GRXCR1: variants seen among roughly 807,000 people sequenced by gnomAD.
GRXCR1 encodes the protein glutaredoxin and cysteine rich domain containing 1, also known as glutaredoxin domain-containing cysteine-rich protein 1.
GRXCR1 carries 27 observed loss-of-function variants against 27.3 expected under a neutral mutation model. The ratio of observed to expected loss-of-function variants is 0.99; its 90% CI spans 0.73 to 1.37. GRXCR1 has a LOEUF of 1.37. GRXCR1 is among the 40% of genes most tolerant of loss of function. GRXCR1 has a pLI of 0.00. For synonymous variants in GRXCR1, 122 were observed against 131.1 expected, an observed-to-expected ratio of 0.93 and a Z score of 0.47; for missense variants, 379 against 354.4, an observed-to-expected ratio of 1.07 and a Z score of -0.56.
chr4:42,895,190 AT>A, intron 1 of GRXCR1, among the ~76,000 whole-genome samples: 1 of 152,106 alleles, frequency 6.6e-6, no homozygotes, highest in East Asian at 1.9e-4. Flanking sequence ...CAAAATCAAA[AT>A]TTTAACACTA....
chr4:43,001,742 G>T (rs1237141598), intron 2 of GRXCR1, among the ~76,000 whole-genome samples: 2 of 152,182 alleles, frequency 1.3e-5, no homozygotes, highest in Non-Finnish European at 2.9e-5. Context: ...AAGCAACAGT[G>T]GGTCCAGGGG....
At chr4:42,917,988 G>C (rs764392308) in intron 1 of GRXCR1, among the ~76,000 whole-genome samples, 4 of 152,064 alleles carry the variant, frequency 2.6e-5, no homozygotes, top group Non-Finnish European at 5.9e-5. Flanking sequence ...ATATGAAACT[G>C]ATTATATATT....
chr4:42,980,987 T>A (rs1226963903), intron 2 of GRXCR1, among the ~76,000 whole-genome samples: 1 of 151,672 alleles, frequency 6.6e-6, no homozygotes, highest in African/African-American at 2.4e-5. Flanking sequence ...ATTCAGCTAC[T>A]GTATCTTTTT....
chr4:43,012,439 T>A (rs1157196312), intron 2 of GRXCR1, among the ~76,000 whole-genome samples: 1 of 152,198 alleles, frequency 6.6e-6, no homozygotes, highest in Non-Finnish European at 1.5e-5. Flanking sequence ...TATGACATTA[T>A]CCAAAGACAA....
chr4:43,011,205 C>A (rs748882740), intron 2 of GRXCR1, among the ~76,000 whole-genome samples: 2 of 152,188 alleles, frequency 1.3e-5, no homozygotes, highest in South Asian at 2.1e-4. Flanking sequence ...TATTGTCGAT[C>A]GTGCTGGTTA....
At chr4:43,005,521 G>A (rs969119625) in intron 2 of GRXCR1, among the ~76,000 whole-genome samples, 2 of 152,124 alleles carry the variant, frequency 1.3e-5, no homozygotes, top group Non-Finnish European at 2.9e-5. Flanking sequence ...TTGACAATGA[G>A]AGTAATGCTG....
chr4:43,016,631 GTT>G (rs1433125657), intron 2 of GRXCR1, among the ~76,000 whole-genome samples: 3 of 56,016 alleles, frequency 5.4e-5, no homozygotes, highest in African/African-American at 9.1e-5. Flanking sequence ...GCAGTTGTGT[GTT>G]TGTGTGTGTG....
chr4:42,995,392 G>A (rs1051217617), intron 2 of GRXCR1, among the ~76,000 whole-genome samples: 1 of 152,078 alleles, frequency 6.6e-6, no homozygotes, highest in African/African-American at 2.4e-5. Context: ...TACTTGCTTT[G>A]CATTTGTAGA....
chr4:42,961,659 T>C (rs1463988164), intron 1 of GRXCR1, among the ~76,000 whole-genome samples: 1 of 152,008 alleles, frequency 6.6e-6, no homozygotes, highest in Non-Finnish European at 1.5e-5. Context: ...CTACACTCTA[T>C]TGTGGAAAGA....
At chr4:42,932,888 G>T (rs1009903212) in intron 1 of GRXCR1, among the ~76,000 whole-genome samples, 1 of 151,532 alleles carries the variant, frequency 6.6e-6, no homozygotes, top group African/African-American at 2.4e-5. Flanking sequence ...CTCATCCTAT[G>T]CCTTGAGGTG....
chr4:43,022,562 T>C (rs1208894366), intron 3 of GRXCR1, among the ~76,000 whole-genome samples: 2 of 152,238 alleles, frequency 1.3e-5, no homozygotes, highest in African/African-American at 4.8e-5. Context: ...TCTACTGTTA[T>C]AGGAACTCTG....
chr4:42,973,918 A>G (rs1008915647), intron 2 of GRXCR1, among the ~76,000 whole-genome samples: 4 of 152,166 alleles, frequency 2.6e-5, no homozygotes, highest in African/African-American at 4.8e-5. Context: ...ATTAAATATT[A>G]CTAAGGCTAG....
chr4:42,895,622 TC>T (rs964837531), intron 1 of GRXCR1, among the ~76,000 whole-genome samples: 2 of 152,086 alleles, frequency 1.3e-5, no homozygotes, highest in Admixed American at 1.3e-4. Flanking sequence ...GGAGCTCCAT[TC>T]CCCATTGTCT....
rs377095743 is a variant in GRXCR1 at position 42,956,358 on chromosome 4, G to A, written c.385-6534G>A. On this transcript the variant is annotated intron_variant, in intron 1 of 3. Transcript: ENST00000399770. ...TGGTAACCCTCAGGAAGGGAGAAGA[G>A]GGACAGCCATTAGAGGCTATTTTTA... Among the ~76,000 whole-genome samples, 4 of 152,226 alleles carry A rather than the reference G, an allele frequency of 2.6e-5. No homozygotes were observed. In the South Asian group the frequency reaches 6.2e-4, roughly 24 times the overall value.
At chr4:42,929,669 TA>T (rs1464081218) in intron 1 of GRXCR1, among the ~76,000 whole-genome samples, 1 of 151,906 alleles carries the variant, frequency 6.6e-6, no homozygotes, top group Non-Finnish European at 1.5e-5. Flanking sequence ...CACACAAGTG[TA>T]GGCTGCCTGA....
intron 2 of GRXCR1, among the ~76,000 whole-genome samples, chr4:42,973,022 T>C (rs763582204): frequency 6.6e-6 from 1 of 152,180 alleles, no homozygotes; most frequent in Non-Finnish European, 1.5e-5. Context: ...TTTTAATCTT[T>C]ACTCCTTTAC....
Position 43,020,393 on chromosome 4 carries a change from C to G in GRXCR1, c.667C>G (p.Leu223Val). 2 of 1,611,958 alleles carry G rather than the reference C, an allele frequency of 1.2e-6. No homozygotes were observed. The highest frequency in any genetic ancestry group is 1.7e-6 in the Non-Finnish European group (2 of 1,178,102). The change falls in exon 3 of 4, where the codon CTG becomes GTG. Residue 223 changes from leucine to valine, a missense_variant. Physicochemically the swap from Leu to Val is conservative, Grantham distance 32. Transcript: ENST00000399770. ...KILSMNESGE[L>V]QDILTKIERV... is the part of the protein sequence containing the mutation. Reference sequence around the variant, plus strand: ...TTTGTCAATGAATGAATCAGGAGAACTGCAAGACATCCTAACCAAAATTGA... The same window carrying G: ...TTTGTCAATGAATGAATCAGGAGAAGTGCAAGACATCCTAACCAAAATTGA...
chr4:42,998,581 G>A (rs1712251600), intron 2 of GRXCR1, among the ~76,000 whole-genome samples: 1 of 152,162 alleles, frequency 6.6e-6, no homozygotes, highest in Admixed American at 6.5e-5. Flanking sequence ...AAAAATGTCT[G>A]TTTGTGGTTC....
intron 1 of GRXCR1, among the ~76,000 whole-genome samples, chr4:42,947,294 TGACCA>T (rs1747765801): frequency 6.6e-6 from 1 of 151,782 alleles, no homozygotes; most frequent in Admixed American, 6.6e-5. Context: ...CACAGAGGAG[TGACCA>T]GACATGTCAG....
Sources: allele counts gnomAD v4.1 joint callset (sites outside exome capture counted in the v4.1 genomes callset), GRCh38; gene constraint gnomAD v4.1.1; transcripts MANE v1.5; gene names NCBI Gene and HGNC (gene_info 2026-07-23, HGNC 2026-07-21).